The following PADI2 variants were observed in gnomAD, a reference collection of about 807,000 sequenced individuals.
PADI2 encodes protein-arginine deiminase type-2.
A neutral mutation model predicts 81.1 loss-of-function variants in PADI2; 70 were observed. The ratio of observed to expected loss-of-function variants is 0.86; its 90% confidence interval spans 0.71 to 1.05. PADI2 has a LOEUF of 1.05. Ranked by LOEUF, PADI2 falls within the 50% of genes least tolerant of loss-of-function variation. PADI2 has a pLI of 0.00. For missense variants in PADI2, 853 were observed against 889.9 expected (o/e 0.96, Z 0.53); for synonymous variants, 338 against 358.0 (o/e 0.94, Z 0.63).
At chr1:17,108,024 T>C (rs1483365809) in intron 1 of PADI2, among the ~76,000 whole-genome samples, 5 of 151,796 alleles carry the variant, frequency 3.3e-5, no homozygotes, top group Middle Eastern at 3.4e-3. Context: ...TCTCAGCTTA[T>C]TGCAAACTCT....
chr1:17,082,095 CT>C lies in PADI2; in HGVS notation c.1158+449del, dbSNP rs368422990. ...TCAGCCTGGGCGACAGAGCAAGACT[CT>C]TGTCTCAGAAAACAAAAACAAACAC... On this transcript the variant is annotated intron_variant, in intron 10 of 15. Coordinates refer to ENST00000375486, the MANE Select transcript of PADI2 (RefSeq NM_007365.3). Among the ~76,000 whole-genome samples, 621 of 152,318 alleles carry C rather than the reference CT, an allele frequency of 4.1e-3. 4 individuals carry two copies. Among genetic ancestry groups the C allele is most frequent in the African/African-American group, 0.014 (590 of 41,556 alleles).
intron 1 of PADI2, among the ~76,000 whole-genome samples, chr1:17,106,799 G>GGAT: frequency 1.1e-5 from 1 of 87,412 alleles, no homozygotes; most frequent in East Asian, 6.8e-4. Flanking sequence ...AGGAGGAGGA[G>GGAT]CAGCAAGAGA....
intron 11 of PADI2, among the ~76,000 whole-genome samples, chr1:17,077,273 T>C (rs1411564356): frequency 6.6e-6 from 1 of 152,210 alleles, no homozygotes; most frequent in Non-Finnish European, 1.5e-5. Flanking sequence ...AATTATCTAA[T>C]TGATTTACTT....
intron 2 of PADI2, among the ~76,000 whole-genome samples, chr1:17,104,223 G>A (rs1477821752): frequency 6.6e-6 from 1 of 151,424 alleles, no homozygotes; most frequent in Non-Finnish European, 1.5e-5. Context: ...CTGGGAGGTG[G>A]AGCTTGCAGT....
At chr1:17,089,654 G>A (rs183449313) in intron 6 of PADI2, among the ~76,000 whole-genome samples, 24 of 152,012 alleles carry the variant, frequency 1.6e-4, no homozygotes, top group African/African-American at 4.8e-4. Context: ...GGCCAGCTCC[G>A]GGCGGACTGA....
chr1:17,103,147 C>T, intron 2 of PADI2, 88 bp from the exon 3 acceptor site: 1 of 918,738 alleles, frequency 1.1e-6, no homozygotes, highest in East Asian at 2.6e-5. Flanking sequence ...CAACTGCTGT[C>T]CCTCACAGCT....
chr1:17,104,802 G>C (rs1931299270), intron 2 of PADI2, 76 bp downstream of exon 2: 1 of 1,312,442 alleles, frequency 7.6e-7, no homozygotes, highest in Non-Finnish European at 1.0e-6. Context: ...AGTTTCTATG[G>C]GACAGGGCTG....
chr1:17,114,858 A>G (rs1931705246), intron 1 of PADI2, among the ~76,000 whole-genome samples: 1 of 152,210 alleles, frequency 6.6e-6, no homozygotes, highest in Admixed American at 6.5e-5. Flanking sequence ...AGCTTGGCAC[A>G]GCCAAGGGCT....
In PADI2 at chr1:17,079,265, G is replaced by T; in HGVS notation, c.1309C>A (p.Leu437Met). The T allele has an allele frequency of 6.2e-7, 1 of 1,613,212 alleles. No homozygotes were observed. Among genetic ancestry groups the T allele is most frequent in the South Asian group, 1.1e-5 (1 of 91,010 alleles). The change falls in exon 11 of 16, where the codon CTG becomes ATG. Residue 437 changes from leucine to methionine, a missense_variant and splice_region_variant. Leu to Met is a conservative substitution (Grantham distance 15). Transcript: ENST00000375486. ...GRILIGSSFP[L>M]SGGRRMTKVV... is the part of the protein sequence containing the mutation. ...TAGCCCCAGCCTGGCTTCTCTTACA[G>T]AGGAAAGCTGCTCCCGATGAGGATG...
intron 13 of PADI2, among the ~76,000 whole-genome samples, chr1:17,073,189 G>A (rs545604982): frequency 9.2e-5 from 14 of 152,198 alleles, no homozygotes; most frequent in Non-Finnish European, 1.5e-4. Flanking sequence ...AGGCCGAGGC[G>A]GGTGGTTCAT....
Position 17,079,298 on chromosome 1 carries a change from G to C in PADI2, c.1276C>G (p.Leu426Val). ...CTGCTCCCGATGAGGATGCGGCCAAGCGGGTATGTCTTGCCGTTCACGGTC... is the reference window on the plus strand; with the variant it reads ...CTGCTCCCGATGAGGATGCGGCCAACCGGGTATGTCTTGCCGTTCACGGTC... ...PVTVNGKTYP[L>V]GRILIGSSFP... Residue 426 changes from leucine (L) to valine (V), a missense_variant, in exon 11 of 16, where the codon CTT (leucine) becomes GTT (valine). By Grantham distance (32) the Leu-to-Val change is conservative. Coordinates refer to ENST00000375486, the MANE Select transcript of PADI2 (RefSeq NM_007365.3). 1 of 1,614,134 alleles carries C rather than the reference G, an allele frequency of 6.2e-7. No individual in the cohort carries two copies.
At chr1:17,100,362 G>A (rs1931099639) in intron 3 of PADI2, among the ~76,000 whole-genome samples, 1 of 152,204 alleles carries the variant, frequency 6.6e-6, no homozygotes, top group Admixed American at 6.5e-5. Flanking sequence ...TCAGCTCACT[G>A]CAACCTCTGT....
chr1:17,103,178 A>G (rs1007918850), intron 2 of PADI2, 119 bp from the exon 3 acceptor site: 1 of 710,278 alleles, frequency 1.4e-6, no homozygotes, highest in Non-Finnish European at 2.5e-6. Context: ...ACCCTCTCCA[A>G]ACATCAGAAC....
intron 6 of PADI2, among the ~76,000 whole-genome samples, chr1:17,091,678 C>T (rs1484905328): frequency 6.6e-6 from 1 of 152,170 alleles, no homozygotes; most frequent in African/African-American, 2.4e-5. Flanking sequence ...CAGATGTCAC[C>T]TCCTCAGAGA....
At chr1:17,097,272 C>T (rs563382942) in intron 3 of PADI2, among the ~76,000 whole-genome samples, 7 of 152,308 alleles carry the variant, frequency 4.6e-5, no homozygotes, top group South Asian at 4.1e-4. Context: ...TCCTGGCACA[C>T]GAAGTGCACT....
intron 6 of PADI2, among the ~76,000 whole-genome samples, chr1:17,087,542 C>T (rs889916269): frequency 2.8e-5 from 4 of 143,826 alleles, no homozygotes; most frequent in African/African-American, 1.0e-4. Context: ...GCTCTGTAAC[C>T]TAGGCTGGAG....
intron 10 of PADI2, among the ~76,000 whole-genome samples, chr1:17,082,230 T>C (rs2078349791): frequency 6.6e-6 from 1 of 152,184 alleles, no homozygotes; most frequent in Admixed American, 6.5e-5. Flanking sequence ...TCTTTGAAAC[T>C]TAACTCATTT....
At chr1:17,111,318 C>A (rs920143651) in intron 1 of PADI2, among the ~76,000 whole-genome samples, 4 of 151,938 alleles carry the variant, frequency 2.6e-5, no homozygotes, top group African/African-American at 9.7e-5. Context: ...TGGTTTGGGA[C>A]TCCTGACTTC....
chr1:17,092,974 G>GA (rs1278361516), intron 5 of PADI2, among the ~76,000 whole-genome samples: 1 of 148,192 alleles, frequency 6.7e-6, no homozygotes, highest in Non-Finnish European at 1.5e-5. Flanking sequence ...GAAAAAAAAA[G>GA]AAAAAGAAAA....
Sources: gnomAD v4.1 joint callset for allele counts (sites outside exome capture counted in the v4.1 genomes callset) on GRCh38, gnomAD v4.1.1 for gene constraint, MANE v1.5 for transcripts, NCBI Gene and HGNC (gene_info 2026-07-23, HGNC 2026-07-21) for gene names.